WWOX: variants seen among roughly 807,000 people sequenced by gnomAD.
WWOX encodes the protein WW domain containing oxidoreductase, also known as WW domain-containing oxidoreductase.
A neutral mutation model predicts 46.2 loss-of-function variants in WWOX; 69 were observed. The observed-to-expected ratio is 1.49, with a 90% CI of 1.23 to 1.82. WWOX has a LOEUF of 1.82. Ranked by LOEUF, WWOX falls within the 40% of genes most tolerant of loss-of-function variation. The probability of loss-of-function intolerance (pLI) is 0.00; values close to 1 mark genes in which losing one functional copy is unlikely to be tolerated. For synonymous variants in WWOX, 359 were observed against 202.6 expected (o/e 1.77, Z -6.56); for missense variants, 919 against 542.6 (o/e 1.69, Z -6.89).
At chr16:78,145,009 C>T (rs1169345357) in intron 4 of WWOX, among the ~76,000 whole-genome samples, 1 of 152,040 alleles carries the variant, frequency 6.6e-6, no homozygotes, top group African/African-American at 2.4e-5. Flanking sequence ...GAAGTTAAGT[C>T]TATTAGTTTG....
rs537579042 is a variant in WWOX, at chr16:79,207,106, T to C, written c.1057-4502T>C. Among the ~76,000 whole-genome samples the C allele has an allele frequency of 1.9e-4, 29 of 152,304 alleles. 1 individual carries two copies. The highest frequency in any genetic ancestry group is 1.5e-3 in the Admixed American group (23 of 15,290). ...CTGGGAGACAGGGAAAGACAGGGCG[T>C]GTAGACGGCCATCTATTCCACCTGT... On this transcript the variant is annotated intron_variant, in intron 8 of 8. Transcript: ENST00000566780.
chr16:78,256,270 G>A (rs1023925489), intron 5 of WWOX, among the ~76,000 whole-genome samples: 1 of 150,664 alleles, frequency 6.6e-6, no homozygotes, highest in Non-Finnish European at 1.5e-5. Flanking sequence ...GAGACTTCAT[G>A]TCTCTCCTAA....
At position 78,811,329 on chromosome 16, in the gene WWOX, G is replaced by A. The variant is rs754474828; in HGVS notation, c.1056+378577G>A. Among the ~76,000 whole-genome samples, 8 of 151,994 alleles carry A rather than the reference G, an allele frequency of 5.3e-5. No individual in the cohort carries two copies. The East Asian group carries it at 9.7e-4, about 18-fold the overall frequency. On this transcript the variant is annotated intron_variant, in intron 8 of 8. Transcript: ENST00000566780. ...CTCTCTGGGTTGGATAAATCACTTCGGGGAATTATATCTACTAGTATATTT... is the reference window on the plus strand; with the variant it reads ...CTCTCTGGGTTGGATAAATCACTTCAGGGAATTATATCTACTAGTATATTT...
intron 8 of WWOX, among the ~76,000 whole-genome samples, chr16:79,208,212 A>G (rs1475364778): frequency 6.6e-6 from 1 of 152,214 alleles, no homozygotes; most frequent in East Asian, 1.9e-4. Context: ...TAGATCGGAA[A>G]TGGCATTCGG....
chr16:78,422,378 G>T (rs2082953335), intron 6 of WWOX, among the ~76,000 whole-genome samples: 2 of 151,668 alleles, frequency 1.3e-5, no homozygotes, highest in African/African-American at 4.8e-5. Flanking sequence ...TTTGGAAACA[G>T]AGTCTTGCTC....
intron 5 of WWOX, chr16:78,278,566 T>A: frequency 1.3e-6 from 2 of 1,586,910 alleles, no homozygotes; most frequent in Non-Finnish European, 1.7e-6. Flanking sequence ...TCTCATAACT[T>A]AATTTTACAC....
At position 78,458,248 on chromosome 16, in the gene WWOX, C is replaced by A. The variant is rs539115924; in HGVS notation, c.1056+25496C>A. On this transcript the variant is annotated intron_variant, in intron 8 of 8. Transcript: ENST00000566780. Reference sequence around the variant, plus strand: ...TTCCCTGCCAATTAATTAATTGTTTCATTGGTATAGTTTTTTTTTTTTTTT... The same window carrying A: ...TTCCCTGCCAATTAATTAATTGTTTAATTGGTATAGTTTTTTTTTTTTTTT... Among the ~76,000 whole-genome samples the A allele has an allele frequency of 4.6e-5, 6 of 130,824 alleles. No homozygotes were observed. The South Asian group carries it at 1.7e-3, about 37-fold the overall frequency. 85.8% of individuals were successfully genotyped at this position (130,824 alleles called of 152,430 possible).
intron 8 of WWOX, among the ~76,000 whole-genome samples, chr16:79,138,754 G>T (rs754861403): frequency 6.6e-6 from 1 of 152,200 alleles, no homozygotes; most frequent in Non-Finnish European, 1.5e-5. Flanking sequence ...TGAGTCTCCA[G>T]AGGGTGAGAC....
At chr16:78,783,308 A>T (rs956395185) in intron 8 of WWOX, among the ~76,000 whole-genome samples, 8 of 152,236 alleles carry the variant, frequency 5.3e-5, no homozygotes, top group African/African-American at 1.9e-4. Context: ...GTGCAGTTGA[A>T]TGAAACATGC....
chr16:78,218,002 C>T (rs2036777816), intron 5 of WWOX, among the ~76,000 whole-genome samples: 2 of 152,178 alleles, frequency 1.3e-5, no homozygotes, highest in South Asian at 2.1e-4. Flanking sequence ...ACGTATCTCA[C>T]CCCCTCAATT....
At chr16:79,114,870 ATGT>A (rs769134018) in intron 8 of WWOX, among the ~76,000 whole-genome samples, 6 of 152,172 alleles carry the variant, frequency 3.9e-5, no homozygotes, top group South Asian at 2.1e-4. Context: ...ATGGGCGTAG[ATGT>A]TGTTGTTCAT....
In WWOX at chr16:78,321,435, A is replaced by ATAT. The variant is rs1567499530; in HGVS notation, c.517-65425_517-65424insTAT. Among the ~76,000 whole-genome samples the ATAT allele has an allele frequency of 2.4e-4, 28 of 114,362 alleles. 1 individual carries two copies. Among genetic ancestry groups the ATAT allele is most frequent in the African/African-American group, 1.0e-3 (28 of 27,754 alleles). The allele number at this position is 114,362 out of a possible 152,430, so 75.0% of individuals were successfully genotyped here. A position where few individuals can be genotyped will look rare whatever the true frequency, so the allele number is the denominator to read the frequency against. ...ATATATGTGTGTATATATATATATA[A>ATAT]AAATATATTTAAATAATGTTAAGGC... On this transcript the variant is annotated intron_variant, in intron 5 of 8. Coordinates refer to ENST00000566780, the MANE Select transcript of WWOX (RefSeq NM_016373.4).
chr16:79,100,536 C>A (rs1252250848), intron 8 of WWOX, among the ~76,000 whole-genome samples: 2 of 152,120 alleles, frequency 1.3e-5, no homozygotes, highest in Admixed American at 1.3e-4. Flanking sequence ...CCCGTTAGTT[C>A]CAGGCTGTGC....
At chr16:78,671,816 C>G (rs17641084) in intron 8 of WWOX, among the ~76,000 whole-genome samples, 4,683 of 152,180 alleles carry the variant, frequency 0.031, 98 homozygotes, top group Non-Finnish European at 0.048. Flanking sequence ...AAAAAGGGAT[C>G]AAGATATGGA....
At chr16:79,196,972 C>G (rs778956999) in intron 8 of WWOX, among the ~76,000 whole-genome samples, 4 of 152,178 alleles carry the variant, frequency 2.6e-5, no homozygotes, top group African/African-American at 4.8e-5. Context: ...GGGTTATTAT[C>G]TACCTGCAGA....
chr16:78,589,474 G>C (rs181734668), intron 8 of WWOX, among the ~76,000 whole-genome samples: 2 of 152,202 alleles, frequency 1.3e-5, no homozygotes, highest in Admixed American at 1.3e-4. Context: ...GTTCTGTCCT[G>C]CCACTCTTTT....
intron 5 of WWOX, among the ~76,000 whole-genome samples, chr16:78,322,846 A>G (rs1305656689): frequency 2.0e-5 from 3 of 152,210 alleles, no homozygotes; most frequent in Admixed American, 2.0e-4. Flanking sequence ...GAGTGTTTCA[A>G]TTAAAATTAT....
intron 8 of WWOX, among the ~76,000 whole-genome samples, chr16:78,918,875 C>G (rs1001559648): frequency 2.0e-5 from 3 of 152,180 alleles, no homozygotes; most frequent in African/African-American, 4.8e-5. Flanking sequence ...TGAGCACTTT[C>G]TCTTGTCTTT....
At chr16:78,939,207 G>A (rs114957485) in intron 8 of WWOX, among the ~76,000 whole-genome samples, 3 of 152,010 alleles carry the variant, frequency 2.0e-5, no homozygotes, top group Admixed American at 6.5e-5. Context: ...GTATATTCAT[G>A]GAGCATCTTC....
Sources: gnomAD v4.1 joint callset for allele counts (sites outside exome capture counted in the v4.1 genomes callset) on GRCh38, gnomAD v4.1.1 for gene constraint, MANE v1.5 for transcripts, NCBI Gene and HGNC (gene_info 2026-07-23, HGNC 2026-07-21) for gene names.